The following BTBD9 variants were observed in gnomAD, a reference collection of about 807,000 sequenced individuals.
BTBD9 encodes BTB domain containing 9.
In BTBD9, 49 loss-of-function variants were observed where a neutral mutation model predicts 64.3. The observed-to-expected ratio is 0.76, with a 90% CI of 0.61 to 0.97. BTBD9 has a LOEUF of 0.97. Among genes scored for constraint, BTBD9 ranks in the 50% least tolerant of loss-of-function variants. The probability of loss-of-function intolerance (pLI) is 0.00; values close to 1 mark genes in which losing one functional copy is unlikely to be tolerated. For missense variants in BTBD9, 598 were observed against 762.1 expected (o/e 0.78, Z 2.53); for synonymous variants, 260 against 274.7 (o/e 0.95, Z 0.53).
chr6:38,541,073 A>G (rs902944296), intron 6 of BTBD9, among the ~76,000 whole-genome samples: 19 of 152,266 alleles, frequency 1.2e-4, no homozygotes, highest in African/African-American at 4.6e-4. Context: ...CGCAGATGCA[A>G]TGATGAATAG....
At chr6:38,377,917 T>A (rs1394697158) in intron 6 of BTBD9, among the ~76,000 whole-genome samples, 1 of 152,326 alleles carries the variant, frequency 6.6e-6, no homozygotes, top group East Asian at 1.9e-4. Context: ...GATTCCTTCT[T>A]GAAAAAGATA....
At chr6:38,579,904 A>G (rs1262569223) in intron 5 of BTBD9, among the ~76,000 whole-genome samples, 3 of 152,214 alleles carry the variant, frequency 2.0e-5, no homozygotes, top group Non-Finnish European at 4.4e-5. Context: ...ATAATTGAAA[A>G]AAATGCTAGA....
At chr6:38,245,456 A>G (rs375170602) in intron 9 of BTBD9, among the ~76,000 whole-genome samples, 1 of 152,184 alleles carries the variant, frequency 6.6e-6, no homozygotes, top group South Asian at 2.1e-4. Flanking sequence ...GTGTGAGGAC[A>G]GAGCATGATG....
In BTBD9 at chr6:38,174,980, C is replaced by G. The variant is rs1766933645; in HGVS notation, c.*5G>C. 1.9e-6 allele frequency: 3 copies of G among 1,613,742 alleles called. No individual in the cohort carries two copies. Among genetic ancestry groups the G allele is most frequent in the Non-Finnish European group, 2.5e-6 (3 of 1,180,040 alleles). On this transcript the variant is annotated 3_prime_UTR_variant, in exon 11 of 11. Transcript: ENST00000481247. Reference sequence around the variant, plus strand: ...CACCAAGTCACACCAGGCCCGCTGCCTCCTTTATTGGTGCTGCCGGTTGGG... The same window carrying G: ...CACCAAGTCACACCAGGCCCGCTGCGTCCTTTATTGGTGCTGCCGGTTGGG...
intron 9 of BTBD9, among the ~76,000 whole-genome samples, chr6:38,199,251 C>T (rs1762373964): frequency 6.6e-6 from 1 of 152,044 alleles, no homozygotes; most frequent in Non-Finnish European, 1.5e-5. Context: ...TGGTGAGACC[C>T]CCCCAGTTCC....
At chr6:38,521,526 T>C (rs1462742545) in intron 6 of BTBD9, among the ~76,000 whole-genome samples, 2 of 152,206 alleles carry the variant, frequency 1.3e-5, no homozygotes, top group Non-Finnish European at 2.9e-5. Context: ...AATTCTGAAA[T>C]CTCAAATGCT....
intron 6 of BTBD9, among the ~76,000 whole-genome samples, chr6:38,505,281 A>T (rs1298335482): frequency 6.6e-6 from 1 of 152,050 alleles, no homozygotes; most frequent in Non-Finnish European, 1.5e-5. Flanking sequence ...CTCTCCTCTA[A>T]TTTCCACGTG....
intron 7 of BTBD9, among the ~76,000 whole-genome samples, chr6:38,326,053 C>A (rs1763414849): frequency 6.6e-6 from 1 of 152,000 alleles, no homozygotes; most frequent in Admixed American, 6.5e-5. Flanking sequence ...AGAAACTTTA[C>A]CAAGACTAGG....
intron 6 of BTBD9, chr6:38,571,599 T>A (rs546152875): frequency 1.1e-4 from 17 of 152,328 alleles, no homozygotes; most frequent in African/African-American, 3.8e-4. Context: ...TCTCCCACAG[T>A]AGACCAGCTA....
intron 6 of BTBD9, among the ~76,000 whole-genome samples, chr6:38,574,515 G>C (rs557702573): frequency 6.6e-6 from 1 of 152,262 alleles, no homozygotes; most frequent in East Asian, 1.9e-4. Flanking sequence ...GACCAACGAG[G>C]ATGGCAGGGA....
chr6:38,529,749 C>T (rs1008770517), intron 6 of BTBD9, among the ~76,000 whole-genome samples: 2 of 152,190 alleles, frequency 1.3e-5, no homozygotes, highest in South Asian at 2.1e-4. Context: ...TCTTCATAAG[C>T]TGAGGATGTA....
At chr6:38,241,229 T>C (rs1763982389) in intron 9 of BTBD9, among the ~76,000 whole-genome samples, 2 of 152,202 alleles carry the variant, frequency 1.3e-5, no homozygotes, top group South Asian at 2.1e-4. Context: ...TTCTCTCCTC[T>C]AATAGAGCAG....
At chr6:38,477,562 C>T (rs11758664) in intron 6 of BTBD9, among the ~76,000 whole-genome samples, 11,881 of 152,234 alleles carry the variant, frequency 0.078, 511 homozygotes, top group African/African-American at 0.099. Flanking sequence ...TATATCCATA[C>T]CTTTTAGATA....
At chr6:38,441,167 G>A (rs1562191790) in intron 6 of BTBD9, among the ~76,000 whole-genome samples, 1 of 152,172 alleles carries the variant, frequency 6.6e-6, no homozygotes, top group Non-Finnish European at 1.5e-5. Context: ...GGCCCAAAGT[G>A]TTGTGGGGCT....
intron 6 of BTBD9, among the ~76,000 whole-genome samples, chr6:38,393,497 T>C (rs1766528615): frequency 7.3e-6 from 1 of 136,612 alleles, no homozygotes; most frequent in East Asian, 2.9e-4. Flanking sequence ...CAGTAAGTAA[T>C]TCCTTGGTCT....
At chr6:38,395,437 T>C (rs7748599) in intron 6 of BTBD9, among the ~76,000 whole-genome samples, 62,106 of 151,888 alleles carry the variant, frequency 0.41, 15,900 homozygotes, top group East Asian at 0.95. Context: ...GAGAAAGCTT[T>C]TTTGTCCCTT....
intron 6 of BTBD9, among the ~76,000 whole-genome samples, chr6:38,538,171 T>G (rs939399932): frequency 2.6e-5 from 4 of 152,198 alleles, no homozygotes; most frequent in African/African-American, 9.7e-5. Flanking sequence ...AGTACTGAAG[T>G]ACTAATTTGT....
chr6:38,465,707 TTA>T (rs1157324453), intron 6 of BTBD9, among the ~76,000 whole-genome samples: 2,204 of 46,230 alleles, frequency 0.048, 56 homozygotes, highest in Admixed American at 0.06. Flanking sequence ...AATAAATAAA[TTA>T]TATATATATA....
chr6:38,602,699 G>T (rs1777298159), intron 1 of BTBD9, among the ~76,000 whole-genome samples: 1 of 151,792 alleles, frequency 6.6e-6, no homozygotes, highest in Non-Finnish European at 1.5e-5. Context: ...TGCTTTGTTT[G>T]TGAGATAAGT....
Sources: gnomAD v4.1 joint callset for allele counts (sites outside exome capture counted in the v4.1 genomes callset) on GRCh38, gnomAD v4.1.1 for gene constraint, MANE v1.5 for transcripts, NCBI Gene and HGNC (gene_info 2026-07-23, HGNC 2026-07-21) for gene names.